The following GFI1B variants were observed in gnomAD, a reference collection of about 807,000 sequenced individuals.
The protein encoded by GFI1B is zinc finger protein Gfi-1b.
In GFI1B, 20 loss-of-function variants were observed where a neutral mutation model predicts 35.3. That is an observed-to-expected ratio of 0.57 (90% CI 0.40 to 0.82). The LOEUF is 0.82. Among genes scored for constraint, GFI1B ranks in the 40% least tolerant of loss-of-function variants. The pLI is 0.00. For missense variants in GFI1B, 430 were observed against 446.3 expected (o/e 0.96, Z 0.33); for synonymous variants, 178 against 177.6 (o/e 1.00, Z -0.02).
chr9:132,980,021 T>A (rs543629162), intron 1 of GFI1B, among the ~76,000 whole-genome samples: 1 of 152,320 alleles, frequency 6.6e-6, no homozygotes, highest in Non-Finnish European at 1.5e-5. Flanking sequence ...AAGTGTCAAG[T>A]TTCTTGTCCT....
chr9:132,992,820 C>A (rs535430147), downstream of GFI1B, among the ~76,000 whole-genome samples: 3 of 152,176 alleles, frequency 2.0e-5, no homozygotes, highest in Non-Finnish European at 4.4e-5. Context: ...CCCCACCCCC[C>A]ATCCCACACC....
chr9:132,979,556 T>G (rs1848746024), intron 1 of GFI1B, among the ~76,000 whole-genome samples: 1 of 152,088 alleles, frequency 6.6e-6, no homozygotes, highest in Non-Finnish European at 1.5e-5. Flanking sequence ...CAGGACACTT[T>G]GAGAGTCAGG....
rs1423890373 is a variant in GFI1B at position 132,978,735 on chromosome 9, CA to C, written c.-124del. ...CAAAAAGGAGAAGTATCTATTTGTG[CA>C]AAGAGTCACACAGTTGACAGAGTGG... is the stretch of plus-strand genomic sequence containing the variant. On this transcript the variant is annotated 5_prime_UTR_variant, in exon 1 of 7. Coordinates refer to ENST00000372122, the MANE Select transcript of GFI1B (RefSeq NM_001377304.1). 1 of 152,262 alleles carries C rather than the reference CA, an allele frequency of 6.6e-6. No individual in the cohort carries two copies. Among genetic ancestry groups the C allele is most frequent in the African/African-American group, 2.4e-5 (1 of 41,442 alleles). The allele number at this position is 152,262 out of a possible 1,614,324, so 9.4% of individuals were successfully genotyped here.
At chr9:132,956,674 A>C (rs1848287998) in intron 1 of GFI1B, among the ~76,000 whole-genome samples, 1 of 152,232 alleles carries the variant, frequency 6.6e-6, no homozygotes, top group South Asian at 2.1e-4. Flanking sequence ...AGAATGCATT[A>C]GTTGTCTATT....
intron 1 of GFI1B, among the ~76,000 whole-genome samples, chr9:132,955,963 TC>T (rs996743113): frequency 6.6e-6 from 1 of 152,148 alleles, no homozygotes; most frequent in African/African-American, 2.4e-5. Flanking sequence ...TTGGCAGAAT[TC>T]CCTCTTGCTT....
Position 132,989,016 on chromosome 9 carries a change from G to T in GFI1B, c.511-45G>T. 1 of 1,604,704 alleles carries T rather than the reference G, an allele frequency of 6.2e-7. No homozygotes were observed. The highest frequency in any genetic ancestry group is 2.2e-5 in the East Asian group (1 of 44,836). ...ACCATGGGACCCCAGGCCTGTCCCT[G>T]TCACCGCAGCCCCCAGTGGCCTCAC... On this transcript the variant is annotated intron_variant, in intron 4 of 6. Coordinates refer to ENST00000372122, the MANE Select transcript of GFI1B (RefSeq NM_001377304.1). This position sits in a 1 kb window ranked among gnomAD's most constrained non-coding sequence, Gnocchi z 6.2.
intron 1 of GFI1B, among the ~76,000 whole-genome samples, chr9:132,985,626 G>A (rs1430240394): frequency 2.6e-5 from 4 of 152,158 alleles, no homozygotes; most frequent in South Asian, 2.1e-4. Flanking sequence ...GCAGGAGCAC[G>A]TGGATTGGCA....
At chr9:132,954,429 G>A (rs1251839057) in intron 1 of GFI1B, among the ~76,000 whole-genome samples, 1 of 151,790 alleles carries the variant, frequency 6.6e-6, no homozygotes, top group Admixed American at 6.6e-5. Flanking sequence ...ACAAAAATTA[G>A]CCAGATGTGG....
chr9:132,977,115 A>G (rs894249561), upstream of GFI1B, among the ~76,000 whole-genome samples: 3 of 152,046 alleles, frequency 2.0e-5, no homozygotes, highest in African/African-American at 4.8e-5. Context: ...GTGCCACCAC[A>G]CCCAGCTAAT....
intron 1 of GFI1B, among the ~76,000 whole-genome samples, chr9:132,984,614 T>C (rs1384818675): frequency 1.3e-5 from 2 of 152,198 alleles, no homozygotes; most frequent in African/African-American, 4.8e-5. Flanking sequence ...GGGGAGCACA[T>C]GCTGAGCACC....
At chr9:132,987,974 A>G (rs1849136117) in intron 3 of GFI1B, among the ~76,000 whole-genome samples, 1 of 151,978 alleles carries the variant, frequency 6.6e-6, no homozygotes. Flanking sequence ...CCTCCCTAGT[A>G]GCTGGGATTA....
chr9:132,960,628 C>T (rs997225777), intron 1 of GFI1B, among the ~76,000 whole-genome samples: 2 of 151,894 alleles, frequency 1.3e-5, no homozygotes, highest in Non-Finnish European at 2.9e-5. Context: ...TCCCAAAGAG[C>T]TGGGAATATG....
rs185771239 is a variant in GFI1B at position 132,972,314 on chromosome 9, C to T, written c.-700-411C>T. On this transcript the variant is annotated intron_variant, in intron 1 of 10. Coordinates refer to the GFI1B transcript ENST00000339463. Reference sequence around the variant, plus strand: ...GCGGGCGCCTGTAATCCCAGCTACTCGGGAGGCTGAGGCAGGAGAATCACT... The same window carrying T: ...GCGGGCGCCTGTAATCCCAGCTACTTGGGAGGCTGAGGCAGGAGAATCACT... 4.6e-3 allele frequency among the ~76,000 whole-genome samples: 700 copies of T among 151,088 alleles called. 7 individuals carry two copies. The highest frequency in any genetic ancestry group is 0.016 in the African/African-American group (656 of 41,210).
intron 1 of GFI1B, among the ~76,000 whole-genome samples, chr9:132,963,211 G>C (rs978185781): frequency 6.6e-6 from 1 of 151,978 alleles, no homozygotes; most frequent in African/African-American, 2.4e-5. Flanking sequence ...GTCAGGCGTG[G>C]TGGCTCATGC....
intron 2 of GFI1B, among the ~76,000 whole-genome samples, chr9:132,973,311 C>T (rs1848564291): frequency 6.6e-6 from 1 of 152,254 alleles, no homozygotes; most frequent in Non-Finnish European, 1.5e-5. Context: ...TTCCCCAGCC[C>T]ACCTGCACCT....
intron 1 of GFI1B, chr9:132,949,553 GA>G (rs982696320): frequency 6.6e-6 from 1 of 152,354 alleles, no homozygotes; most frequent in African/African-American, 2.4e-5. Context: ...AGATCACTTA[GA>G]AAACACCTCA....
In GFI1B at chr9:132,989,508, G is replaced by A. The variant is rs964887278; in HGVS notation, c.649-234G>A. The A allele has an allele frequency of 1.7e-6, 1 of 601,816 alleles. No homozygotes were observed. Among genetic ancestry groups the A allele is most frequent in the Non-Finnish European group, 3.0e-6 (1 of 337,668 alleles). The allele number at this position is 601,816 out of a possible 1,614,324, so 37.3% of individuals were successfully genotyped here. A position where few individuals can be genotyped will look rare whatever the true frequency, so the allele number is the denominator to read the frequency against. ...TCAGTCAGTCCATCAGTCAATCAAC[G>A]AACATTTATTGAGGTTTATTTTGAG... On this transcript the variant is annotated intron_variant, in intron 5 of 6. Transcript: ENST00000372122. The surrounding 1 kb of genome is among the most constrained non-coding windows in gnomAD (Gnocchi z 6.2).
intron 1 of GFI1B, among the ~76,000 whole-genome samples, chr9:132,985,422 G>GC (rs1242451172): frequency 4.6e-5 from 7 of 152,138 alleles, no homozygotes; most frequent in Non-Finnish European, 7.4e-5. Flanking sequence ...GAAGCTGGGG[G>GC]CTGTTCGCCT....
intron 1 of GFI1B, among the ~76,000 whole-genome samples, chr9:132,958,362 G>A (rs1406310950): frequency 1.3e-5 from 2 of 152,140 alleles, no homozygotes; most frequent in Non-Finnish European, 2.9e-5. Context: ...CAGTTCTGCA[G>A]GTTGTACAAG....
Sources: gnomAD v4.1 joint callset for allele counts (sites outside exome capture counted in the v4.1 genomes callset) on GRCh38, gnomAD v4.1.1 for gene constraint, Gnocchi (gnomAD v3.1) non-coding constraint, MANE v1.5 for transcripts, NCBI Gene and HGNC (gene_info 2026-07-23, HGNC 2026-07-21) for gene names.